RERE: variants seen among roughly 807,000 people sequenced by gnomAD.
The protein encoded by RERE is arginine-glutamic acid dipeptide repeats.
In RERE, 40 loss-of-function variants were observed where a neutral mutation model predicts 146.1. That is an observed-to-expected ratio of 0.27 (90% CI 0.21 to 0.36). The LOEUF is 0.36. RERE is among the 10% of genes least tolerant of loss of function. The pLI, the probability that RERE is intolerant of heterozygous loss-of-function variation, is 1.00. For synonymous variants in RERE, 1,003 were observed against 866.0 expected, an observed-to-expected ratio of 1.16 and a Z score of -2.78; for missense variants, 1,933 against 2,138.7, an observed-to-expected ratio of 0.90 and a Z score of 1.90.
intron 1 of RERE, among the ~76,000 whole-genome samples, chr1:8,685,220 T>C (rs1217365310): frequency 6.6e-6 from 1 of 152,222 alleles, no homozygotes; most frequent in Admixed American, 6.5e-5. Flanking sequence ...AAACTACACA[T>C]TTCCTGATTC....
intron 4 of RERE, among the ~76,000 whole-genome samples, chr1:8,601,715 A>G (rs1229649169): frequency 1.5e-5 from 2 of 134,176 alleles, no homozygotes; most frequent in East Asian, 2.3e-4. Context: ...CTTAATCCCA[A>G]CTGCCATCAT....
chr1:8,751,696 C>T (rs1205879828), intron 1 of RERE, among the ~76,000 whole-genome samples: 4 of 151,768 alleles, frequency 2.6e-5, no homozygotes, highest in South Asian at 2.1e-4. Context: ...TTCATACAGA[C>T]GTCCTCAGAG....
chr1:8,517,429 C>T (rs187057878), intron 7 of RERE, among the ~76,000 whole-genome samples: 2 of 152,246 alleles, frequency 1.3e-5, no homozygotes, highest in Non-Finnish European at 2.9e-5. Flanking sequence ...GCTGTGGATT[C>T]ATCATCTTGG....
intron 4 of RERE, among the ~76,000 whole-genome samples, chr1:8,589,917 A>C (rs550937772): frequency 2.0e-5 from 3 of 152,188 alleles, no homozygotes; most frequent in Non-Finnish European, 4.4e-5. Context: ...CCTCATAGAC[A>C]CATCTAGGTA....
In RERE at chr1:8,568,114, G is replaced by A. The variant is rs532624688; in HGVS notation, c.523-10591C>T. 1.7e-4 allele frequency among the ~76,000 whole-genome samples: 26 copies of A among 152,220 alleles called. No individual in the cohort carries two copies. The South Asian group carries it at 1.9e-3, about 11-fold the overall frequency. ...AATGTAGGTGGGACAGCATCTAATC[G>A]GCTGGGGTCCAGAACAGAACAAAAA... On this transcript the variant is annotated intron_variant, in intron 4 of 22. Coordinates refer to ENST00000400908, the MANE Select transcript of RERE (RefSeq NM_001042681.2).
Position 8,355,408 on chromosome 1 carries a change from C to T in RERE, c.4667+11G>A, listed in dbSNP as rs1448764822. The T allele has an allele frequency of 1.9e-6, 3 of 1,611,404 alleles. No individual in the cohort carries two copies. The highest frequency in any genetic ancestry group is 1.7e-5 in the Admixed American group (1 of 59,934). The stretch of plus-strand genomic sequence containing the variant: ...ATAACCCCTCCACTCCCTCCCAGCA[C>T]CCCACCTCACCTGTAATAATCTTCC... On this transcript the variant is annotated intron_variant, in intron 22 of 22. Transcript: ENST00000400908.
At chr1:8,497,833 A>C (rs964317202) in intron 8 of RERE, among the ~76,000 whole-genome samples, 6 of 152,240 alleles carry the variant, frequency 3.9e-5, no homozygotes, top group Admixed American at 3.3e-4. Context: ...ATAAACAAAA[A>C]AACAAAATAA....
At position 8,361,296 on chromosome 1, in the gene RERE, C is replaced by T. The variant is rs1487987947; in HGVS notation, c.2211G>A (p.Gln737=). 6.2e-6 allele frequency: 10 copies of T among 1,606,692 alleles called. No individual in the cohort carries two copies. Among genetic ancestry groups the T allele is most frequent in the African/African-American group, 1.3e-5 (1 of 74,808 alleles). ...SSAQQQMLQA[Q]PPALQAPTGV... Reference sequence around the variant, plus strand: ...CAGTGGGAGCCTGCAAGGCTGGGGGCTGGGCCTGCAGCATCTGCTGCTGGG... The same window carrying T: ...CAGTGGGAGCCTGCAAGGCTGGGGGTTGGGCCTGCAGCATCTGCTGCTGGG... Residue 737 remains glutamine (Q), a synonymous_variant, in exon 18 of 23, where the codon CAG becomes CAA. Transcript: ENST00000400908.
intron 1 of RERE, chr1:8,796,493 A>C (rs1641475580): frequency 6.6e-6 from 1 of 152,200 alleles, no homozygotes; most frequent in Admixed American, 6.5e-5. Context: ...GGTAGGAAAA[A>C]AACTTAAGAC....
intron 8 of RERE, 118 bp from the exon 9 acceptor site, chr1:8,497,647 G>T: frequency 9.4e-7 from 1 of 1,065,674 alleles, no homozygotes; most frequent in Non-Finnish European, 1.4e-6. Flanking sequence ...TCCTTGGACA[G>T]CAGAAAAATA....
At chr1:8,357,487 A>C (rs1327055645) in intron 20 of RERE, among the ~76,000 whole-genome samples, 1 of 152,174 alleles carries the variant, frequency 6.6e-6, no homozygotes, top group Non-Finnish European at 1.5e-5. Flanking sequence ...CCAGTGAGGA[A>C]GCCCTGCACG....
In RERE at chr1:8,355,109, T is replaced by C. The variant is rs1252499137; in HGVS notation, c.4679A>G (p.Lys1560Arg). The C allele has an allele frequency of 7.4e-6, 12 of 1,613,976 alleles. No individual in the cohort carries two copies. Among genetic ancestry groups the C allele is most frequent in the Non-Finnish European group, 1.0e-5 (12 of 1,179,932 alleles). ...AACTTATAACTGCTTGTCACCTTCTTTCTTCAGTCGACTGGAAAGACAAAA... is the reference window on the plus strand; with the variant it reads ...AACTTATAACTGCTTGTCACCTTCTCTCTTCAGTCGACTGGAAAGACAAAA... ...SQEDYYSRLKKEGDKQL is the reference protein window; with the variant it reads ...SQEDYYSRLKREGDKQL Residue 1560 changes from lysine to arginine, a missense_variant, in exon 23 of 23, where the codon AAA becomes AGA. By Grantham distance (26) the Lys-to-Arg change is conservative (BLOSUM62 2). Coordinates refer to ENST00000400908, the MANE Select transcript of RERE (RefSeq NM_001042681.2).
intron 1 of RERE, among the ~76,000 whole-genome samples, chr1:8,696,747 T>C (rs1213043599): frequency 6.6e-6 from 1 of 151,328 alleles, no homozygotes. Flanking sequence ...CCATCTCTAC[T>C]AAAAATACAA....
intron 3 of RERE, among the ~76,000 whole-genome samples, chr1:8,617,119 C>T (rs1314492699): frequency 2.3e-4 from 35 of 151,834 alleles, no homozygotes; most frequent in Non-Finnish European, 3.1e-4. Context: ...CCGAGGCGGG[C>T]GGATCACAAG....
intron 1 of RERE, among the ~76,000 whole-genome samples, chr1:8,686,058 T>C (rs924722049): frequency 3.0e-4 from 46 of 151,774 alleles, no homozygotes; most frequent in African/African-American, 1.1e-3. Context: ...CTCAGCTCAC[T>C]GCAGCCTCGA....
intron 1 of RERE, among the ~76,000 whole-genome samples, chr1:8,692,380 C>CT (rs1400376322): frequency 6.6e-6 from 1 of 150,818 alleles, no homozygotes; most frequent in Non-Finnish European, 1.5e-5. Context: ...TGGAGTCTCA[C>CT]TGTGTCACCC....
At position 8,470,403 on chromosome 1, in the gene RERE, A is replaced by G. The variant is rs866939845; in HGVS notation, c.1105-4380T>C. Among the ~76,000 whole-genome samples, 22 of 152,102 alleles carry G rather than the reference A, an allele frequency of 1.4e-4. No homozygotes were observed. In the South Asian group the frequency reaches 4.4e-3, roughly 30 times the overall value. On this transcript the variant is annotated intron_variant, in intron 10 of 22. Coordinates refer to ENST00000400908, the MANE Select transcript of RERE (RefSeq NM_001042681.2). The stretch of plus-strand genomic sequence containing the variant: ...CAACCTCCTGAGTAGCTGGGACTAC[A>G]AGCGCCCACCACCACGCCCGGCTAA...
chr1:8,684,740 A>AC (rs1237175192), intron 1 of RERE, among the ~76,000 whole-genome samples: 1 of 152,176 alleles, frequency 6.6e-6, no homozygotes, highest in African/African-American at 2.4e-5. Flanking sequence ...TCCTGTCACC[A>AC]CCATCTTTGC....
intron 11 of RERE, among the ~76,000 whole-genome samples, chr1:8,442,998 T>C (rs1407668998): frequency 6.6e-6 from 1 of 152,230 alleles, no homozygotes; most frequent in Non-Finnish European, 1.5e-5. Flanking sequence ...CTAGGGTATC[T>C]GGTGGAAGAA....
Sources: gnomAD v4.1 joint callset for allele counts (sites outside exome capture counted in the v4.1 genomes callset) on GRCh38, gnomAD v4.1.1 for gene constraint, MANE v1.5 for transcripts, NCBI Gene and HGNC (gene_info 2026-07-23, HGNC 2026-07-21) for gene names.